The following SRPK2 variants were observed in gnomAD, a reference collection of about 807,000 sequenced individuals.
SRPK2 encodes the protein SRSF protein kinase 2.
SRPK2 carries 21 observed loss-of-function variants against 90.8 expected under a neutral mutation model. The ratio of observed to expected loss-of-function variants is 0.23; its 90% CI spans 0.16 to 0.33. The LOEUF is 0.33. SRPK2 is among the 10% of genes least tolerant of loss of function. SRPK2 has a pLI of 1.00. For synonymous variants in SRPK2, 288 were observed against 311.1 expected, an observed-to-expected ratio of 0.93 and a Z score of 0.78; for missense variants, 620 against 869.0, an observed-to-expected ratio of 0.71 and a Z score of 3.60.
At chr7:105,253,791 G>A (rs1404358330) in intron 2 of SRPK2, among the ~76,000 whole-genome samples, 1 of 152,100 alleles carries the variant, frequency 6.6e-6, no homozygotes, top group African/African-American at 2.4e-5. Context: ...TTTTATTGTA[G>A]TGCAACAAAA....
At chr7:105,378,383 C>T (rs531518399) in intron 2 of SRPK2, among the ~76,000 whole-genome samples, 2 of 151,964 alleles carry the variant, frequency 1.3e-5, no homozygotes, top group South Asian at 2.1e-4. Context: ...GAAAAACTTA[C>T]GACACAATAT....
At chr7:105,331,307 T>TTAAAAAA (rs1814306223) in intron 2 of SRPK2, among the ~76,000 whole-genome samples, 1 of 3,024 alleles carries the variant, frequency 3.3e-4, no homozygotes, top group Non-Finnish European at 7.5e-4. Flanking sequence ...AGACTCCGTC[T>TTAAAAAA]CAAAAAAAAA....
chr7:105,303,566 T>C (rs1166442007), intron 2 of SRPK2, among the ~76,000 whole-genome samples: 1 of 152,118 alleles, frequency 6.6e-6, no homozygotes, highest in Non-Finnish European at 1.5e-5. Flanking sequence ...TTAATTTTCA[T>C]ATTCTTATAT....
intron 2 of SRPK2, among the ~76,000 whole-genome samples, chr7:105,327,653 A>G (rs777031926): frequency 1.3e-5 from 2 of 152,206 alleles, no homozygotes; most frequent in Non-Finnish European, 2.9e-5. Context: ...TGAGGCCCAC[A>G]TGTCCTGGTT....
At chr7:105,179,245 A>G (rs1185131672) in intron 3 of SRPK2, among the ~76,000 whole-genome samples, 1 of 152,188 alleles carries the variant, frequency 6.6e-6, no homozygotes, top group Non-Finnish European at 1.5e-5. Flanking sequence ...ATTTACTACT[A>G]TAACATTAAG....
intron 15 of SRPK2, among the ~76,000 whole-genome samples, chr7:105,119,084 C>T (rs535524497): frequency 6.6e-6 from 1 of 151,926 alleles, no homozygotes; most frequent in Non-Finnish European, 1.5e-5. Flanking sequence ...GAGGAAACAC[C>T]CCCCTGTGCC....
At chr7:105,269,006 G>A (rs1367971166) in intron 2 of SRPK2, 1 of 1,370,416 alleles carries the variant, frequency 7.3e-7, no homozygotes, top group Non-Finnish European at 9.6e-7. Flanking sequence ...TTAGGACTGG[G>A]ATTCAATGGT....
At chr7:105,206,114 C>A in intron 2 of SRPK2, 1 of 453,470 alleles carries the variant, frequency 2.2e-6, no homozygotes, top group East Asian at 5.8e-5. Context: ...TCGCTGCCCT[C>A]CAGCCACTAT....
In SRPK2 at chr7:105,380,167, C is replaced by T. The variant is rs1051648036; in HGVS notation, c.71+8481G>A. The stretch of plus-strand genomic sequence containing the variant: ...TTATCCTTAAGAGGGAGTTTCACTG[C>T]GTCGCCCAGGCTGGCACTAAGTGGT... On this transcript the variant is annotated intron_variant, in intron 2 of 15. Coordinates refer to ENST00000393651, the MANE Select transcript of SRPK2 (RefSeq NM_182692.3). Among the ~76,000 whole-genome samples, 149 of 152,278 alleles carry T rather than the reference C, an allele frequency of 9.8e-4. 1 individual carries two copies. The highest frequency in any genetic ancestry group is 3.4e-3 in the African/African-American group (140 of 41,566).
At chr7:105,350,775 GTGCTATAGT>G (rs1817080323) in intron 2 of SRPK2, among the ~76,000 whole-genome samples, 2 of 152,084 alleles carry the variant, frequency 1.3e-5, no homozygotes, top group East Asian at 3.9e-4. Context: ...GCCTCCCAAA[GTGCTATAGT>G]TGCTATAATT....
chr7:105,331,329 A>G lies in SRPK2; in HGVS notation c.71+57319T>C, dbSNP rs1167142868. On this transcript the variant is annotated intron_variant, in intron 2 of 15. Coordinates refer to ENST00000393651, the MANE Select transcript of SRPK2 (RefSeq NM_182692.3). ...GTCTCAAAAAAAAAAAAAAAAAAAAAAAAAAAAACAAATAGTTATTACACA... is the reference window on the plus strand; with the variant it reads ...GTCTCAAAAAAAAAAAAAAAAAAAAGAAAAAAAACAAATAGTTATTACACA... 2.3e-4 allele frequency among the ~76,000 whole-genome samples: 34 copies of G among 145,352 alleles called. 2 individuals carry two copies. Among genetic ancestry groups the G allele is most frequent in the African/African-American group, 8.1e-4 (32 of 39,650 alleles).
chr7:105,336,575 T>C (rs936696492), intron 2 of SRPK2, among the ~76,000 whole-genome samples: 2 of 152,226 alleles, frequency 1.3e-5, no homozygotes, highest in South Asian at 4.1e-4. Flanking sequence ...TTACATTTGT[T>C]GTTATACGTC....
intron 2 of SRPK2, among the ~76,000 whole-genome samples, chr7:105,262,993 A>C (rs1231757797): frequency 6.6e-6 from 1 of 152,154 alleles, no homozygotes; most frequent in East Asian, 1.9e-4. Context: ...ATATTAAACA[A>C]ATGCATGCAA....
intron 3 of SRPK2, among the ~76,000 whole-genome samples, chr7:105,187,002 T>C (rs912113996): frequency 6.6e-6 from 1 of 152,240 alleles, no homozygotes; most frequent in Non-Finnish European, 1.5e-5. Flanking sequence ...GCCCTTGAGA[T>C]GTCTCAGTTG....
At chr7:105,386,520 C>T (rs1821626978) in intron 2 of SRPK2, among the ~76,000 whole-genome samples, 1 of 151,858 alleles carries the variant, frequency 6.6e-6, no homozygotes, top group African/African-American at 2.4e-5. Flanking sequence ...TGTAGACCAG[C>T]CCGGCCAACA....
At chr7:105,334,940 G>A (rs890875163) in intron 2 of SRPK2, among the ~76,000 whole-genome samples, 2 of 148,484 alleles carry the variant, frequency 1.3e-5, no homozygotes, top group Non-Finnish European at 3.0e-5. Flanking sequence ...AGGCCAAGGC[G>A]GGCAGATCAC....
intron 2 of SRPK2, among the ~76,000 whole-genome samples, chr7:105,341,245 T>A (rs912181237): frequency 2.0e-5 from 3 of 150,116 alleles, no homozygotes; most frequent in African/African-American, 7.4e-5. Context: ...AGGCCTATAA[T>A]CCCAGCTACT....
rs1430600333 is a variant in SRPK2 at position 105,244,630 on chromosome 7, C to A, written c.72-40845G>T. On this transcript the variant is annotated intron_variant, in intron 2 of 15. Coordinates refer to ENST00000393651, the MANE Select transcript of SRPK2 (RefSeq NM_182692.3). The stretch of plus-strand genomic sequence containing the variant: ...CGGCGCCAGCCCCAGCGCGCCAGGG[C>A]CGCCTTTGGAGAGCAGCAGCCCTGG... 10 of 728,630 alleles carry A rather than the reference C, an allele frequency of 1.4e-5. No homozygotes were observed. In the South Asian group the frequency reaches 1.5e-4, roughly 11 times the overall value. 45.1% of individuals were successfully genotyped at this position (728,630 alleles called of 1,614,324 possible).
chr7:105,165,894 T>C (rs965948005), intron 6 of SRPK2, among the ~76,000 whole-genome samples: 4 of 152,106 alleles, frequency 2.6e-5, no homozygotes, highest in Non-Finnish European at 5.9e-5. Context: ...ACCATGAGGG[T>C]CTGTGGCTTC....
Sources: gnomAD v4.1 joint callset for allele counts (sites outside exome capture counted in the v4.1 genomes callset) on GRCh38, gnomAD v4.1.1 for gene constraint, MANE v1.5 for transcripts, NCBI Gene and HGNC (gene_info 2026-07-23, HGNC 2026-07-21) for gene names.